The following DISC1 variants were observed in gnomAD, a reference collection of about 807,000 sequenced individuals.
The protein encoded by DISC1 is DISC1 scaffold protein.
Under a neutral mutation model 84.5 loss-of-function variants are expected in DISC1, and 57 were observed. The observed-to-expected ratio is 0.67, with a 90% CI of 0.55 to 0.84. The LOEUF is 0.84. Among genes scored for constraint, DISC1 ranks in the 40% least tolerant of loss-of-function variants. The pLI is 0.00. For missense variants in DISC1, 1,000 were observed against 1,057.8 expected (o/e 0.95, Z 0.76); for synonymous variants, 411 against 415.2 (o/e 0.99, Z 0.12).
chr1:231,967,231 C>T (rs1264040172), intron 10 of DISC1, among the ~76,000 whole-genome samples: 1 of 152,192 alleles, frequency 6.6e-6, no homozygotes, highest in Non-Finnish European at 1.5e-5. Context: ...CCAAGGCTCC[C>T]AGAGCCTGTG....
chr1:231,724,411 G>A (rs762582218), intron 3 of DISC1, among the ~76,000 whole-genome samples: 1 of 152,066 alleles, frequency 6.6e-6, no homozygotes, highest in African/African-American at 2.4e-5. Context: ...TGCAAACACC[G>A]CCCCAAGTGT....
At chr1:232,030,923 G>A (rs187311004) in intron 12 of DISC1, among the ~76,000 whole-genome samples, 5 of 152,210 alleles carry the variant, frequency 3.3e-5, no homozygotes, top group Admixed American at 3.3e-4. Context: ...GACCAGCCTA[G>A]GCAACATGGC....
At chr1:231,666,780 G>T (rs916772832) in intron 1 of DISC1, among the ~76,000 whole-genome samples, 1 of 152,150 alleles carries the variant, frequency 6.6e-6, no homozygotes, top group Non-Finnish European at 1.5e-5. Context: ...TCACCCCATC[G>T]TAATGGGCTC....
chr1:231,707,677 A>C (rs1462148645), intron 3 of DISC1, among the ~76,000 whole-genome samples: 1 of 151,972 alleles, frequency 6.6e-6, no homozygotes, highest in Non-Finnish European at 1.5e-5. Flanking sequence ...AGATAGTGCA[A>C]CCAAGTAAAA....
chr1:231,873,196 G>A (rs576161442), intron 9 of DISC1, among the ~76,000 whole-genome samples: 50 of 152,340 alleles, frequency 3.3e-4, no homozygotes, highest in African/African-American at 9.4e-4. Flanking sequence ...ACCTTGGGAA[G>A]AACAAACCCA....
At chr1:231,823,044 A>G (rs6702262) in intron 9 of DISC1, among the ~76,000 whole-genome samples, 93 of 152,338 alleles carry the variant, frequency 6.1e-4, no homozygotes, top group African/African-American at 2.1e-3. Flanking sequence ...GGTCAAAGAA[A>G]AGAAACTATA....
intron 1 of DISC1, among the ~76,000 whole-genome samples, chr1:231,672,870 G>A (rs1007269379): frequency 3.3e-5 from 5 of 152,186 alleles, no homozygotes; most frequent in African/African-American, 9.6e-5. Context: ...GTTTGGTTTG[G>A]GAGAGGTGAG....
At chr1:231,745,838 G>A (rs1483621245) in intron 3 of DISC1, among the ~76,000 whole-genome samples, 2 of 152,250 alleles carry the variant, frequency 1.3e-5, no homozygotes, top group East Asian at 1.9e-4. Context: ...TGGGCCTGGT[G>A]GGAGGTGTTT....
At chr1:231,874,788 G>A (rs1421808959) in intron 9 of DISC1, among the ~76,000 whole-genome samples, 1 of 151,820 alleles carries the variant, frequency 6.6e-6, no homozygotes, top group African/African-American at 2.4e-5. Flanking sequence ...GCGGGTGCCT[G>A]TAATCCCAGC....
At position 231,778,485 on chromosome 1, in the gene DISC1, G is replaced by A. The variant is rs181852103; in HGVS notation, c.1634+7415G>A. Reference sequence around the variant, plus strand: ...CAGGCTGTGACCATCCACAGGCCACGGTGCTCCAGCTGGCACTTTCCTTAG... The same window carrying A: ...CAGGCTGTGACCATCCACAGGCCACAGTGCTCCAGCTGGCACTTTCCTTAG... On this transcript the variant is annotated intron_variant, in intron 6 of 12. Coordinates refer to ENST00000439617, the MANE Select transcript of DISC1 (RefSeq NM_018662.3). 4.9e-4 allele frequency among the ~76,000 whole-genome samples: 75 copies of A among 152,266 alleles called. 2 individuals carry two copies. The South Asian group carries it at 6.6e-3, about 13-fold the overall frequency.
chr1:231,722,630 G>C, intron 3 of DISC1: 1 of 1,613,932 alleles, frequency 6.2e-7, no homozygotes, highest in South Asian at 1.1e-5. Flanking sequence ...AACAAAGCAA[G>C]ACAAATAGAT....
chr1:231,896,252 A>G (rs2087680068), intron 9 of DISC1, among the ~76,000 whole-genome samples: 3 of 152,170 alleles, frequency 2.0e-5, no homozygotes, highest in Admixed American at 2.0e-4. Context: ...GTAACCTGAC[A>G]TACCCTACAT....
intron 10 of DISC1, among the ~76,000 whole-genome samples, chr1:232,000,895 C>T (rs1422527514): frequency 2.6e-5 from 4 of 151,958 alleles, no homozygotes; most frequent in African/African-American, 2.4e-5. Context: ...AGAAAACTAC[C>T]GTGTATTTGT....
At chr1:231,710,367 A>G (rs2067661017) in intron 3 of DISC1, among the ~76,000 whole-genome samples, 1 of 152,116 alleles carries the variant, frequency 6.6e-6, no homozygotes. Context: ...CAAACAAACA[A>G]ACAAACAACT....
intron 3 of DISC1, among the ~76,000 whole-genome samples, chr1:231,743,770 A>G (rs1247228700): frequency 6.6e-6 from 1 of 152,224 alleles, no homozygotes; most frequent in African/African-American, 2.4e-5. Flanking sequence ...TCTTGGACAG[A>G]TGACCTTTTC....
intron 1 of DISC1, among the ~76,000 whole-genome samples, chr1:231,642,591 C>T (rs369436186): frequency 6.6e-6 from 1 of 152,244 alleles, no homozygotes; most frequent in East Asian, 1.9e-4. Context: ...ACAGGAGTTA[C>T]AGTTCTAGGC....
chr1:231,772,299 C>T (rs996460606), intron 6 of DISC1, among the ~76,000 whole-genome samples: 1 of 152,124 alleles, frequency 6.6e-6, no homozygotes, highest in Non-Finnish European at 1.5e-5. Flanking sequence ...CTGAGACATA[C>T]AGAACGCACA....
intron 6 of DISC1, chr1:231,771,723 C>T (rs190981335): frequency 0.012 from 3,866 of 317,814 alleles, 24 homozygotes; most frequent in Middle Eastern, 0.02. Context: ...GTCTTCTCCA[C>T]TCTACTCTGG....
chr1:231,930,796 CAG>C (rs1325623646), intron 9 of DISC1, among the ~76,000 whole-genome samples: 5 of 152,128 alleles, frequency 3.3e-5, no homozygotes. Context: ...TAAAGGAAAA[CAG>C]AATACCTGCA....
Sources: allele counts gnomAD v4.1 joint callset (sites outside exome capture counted in the v4.1 genomes callset), GRCh38; gene constraint gnomAD v4.1.1; transcripts MANE v1.5; gene names NCBI Gene and HGNC (gene_info 2026-07-23, HGNC 2026-07-21).